SLC25A28: variants seen among roughly 807,000 people sequenced by gnomAD.
SLC25A28 encodes mitoferrin-2.
SLC25A28 carries 10 observed loss-of-function variants against 31.9 expected under a neutral mutation model. That is an observed-to-expected ratio of 0.31 (90% CI 0.19 to 0.53). The LOEUF is 0.53. SLC25A28 is among the 20% of genes least tolerant of loss of function. The pLI is 0.95. For synonymous variants in SLC25A28, 208 were observed against 203.6 expected, an observed-to-expected ratio of 1.02 and a Z score of -0.19; for missense variants, 256 against 490.3, an observed-to-expected ratio of 0.52 and a Z score of 4.51.
At chr10:99,655,150 G>A in the SLC25A28 span, among the ~76,000 whole-genome samples, 1 of 152,106 alleles carries the variant, frequency 6.6e-6, no homozygotes, top group Non-Finnish European at 1.5e-5. Flanking sequence ...TAAAATGTTG[G>A]GATTAAAATG....
chr10:99,620,365 C>T lies in SLC25A28; in HGVS notation c.-30G>A. On this transcript the variant is annotated 5_prime_UTR_variant, in exon 1 of 4. Transcript: ENST00000370495. The stretch of plus-strand genomic sequence containing the variant: ...CCGGGCCAGCTGCGGCGCCCACCCC[C>T]GCCGCCGCTGCCACCACTGCCGCCG... The T allele has an allele frequency of 1.8e-6, 2 of 1,104,554 alleles. No individual in the cohort carries two copies. Among genetic ancestry groups the T allele is most frequent in the Non-Finnish European group, 2.2e-6 (2 of 907,186 alleles). 68.4% of individuals were successfully genotyped at this position (1,104,554 alleles called of 1,614,324 possible).
the SLC25A28 span, among the ~76,000 whole-genome samples, chr10:99,634,250 TCAAAAAATCA>T: frequency 6.6e-6 from 1 of 151,872 alleles, no homozygotes; most frequent in Non-Finnish European, 1.5e-5. Flanking sequence ...TTTTACACCC[TCAAAAAATCA>T]CACTAGCTCA....
At chr10:99,623,322 C>T (rs920655423), upstream of SLC25A28, among the ~76,000 whole-genome samples, 1 of 152,204 alleles carries the variant, frequency 6.6e-6, no homozygotes, top group Non-Finnish European at 1.5e-5. Context: ...TGATTTCTGA[C>T]TCAGCGTGTC....
At chr10:99,658,338 C>G in the SLC25A28 span, among the ~76,000 whole-genome samples, 1 of 152,110 alleles carries the variant, frequency 6.6e-6, no homozygotes, top group Non-Finnish European at 1.5e-5. Context: ...CCCATTCATT[C>G]ATTTGCTTAT....
chr10:99,614,640 T>G (rs536404276), intron 1 of SLC25A28, among the ~76,000 whole-genome samples: 2 of 152,288 alleles, frequency 1.3e-5, no homozygotes, highest in South Asian at 4.1e-4. Context: ...ACATAATCCT[T>G]GGAATCTCTC....
chr10:99,657,730 G>A, the SLC25A28 span, among the ~76,000 whole-genome samples: 1,350 of 151,190 alleles, frequency 8.9e-3, 18 homozygotes, highest in Middle Eastern at 0.041. Flanking sequence ...GTTTTTTGCC[G>A]CCTCCTTTCT....
chr10:99,657,174 A>G, the SLC25A28 span, among the ~76,000 whole-genome samples: 4 of 152,218 alleles, frequency 2.6e-5, no homozygotes, highest in African/African-American at 7.2e-5. Flanking sequence ...ATTAAGTACT[A>G]TTTTAAAAAT....
At chr10:99,631,891 A>AT in the SLC25A28 span, among the ~76,000 whole-genome samples, 772 of 122,280 alleles carry the variant, frequency 6.3e-3, 33 homozygotes, top group African/African-American at 0.012. Context: ...TTTTTTTTTT[A>AT]TTTTTTTTTT....
chr10:99,657,502 GA>G, the SLC25A28 span, among the ~76,000 whole-genome samples: 4 of 150,064 alleles, frequency 2.7e-5, no homozygotes, highest in Non-Finnish European at 3.0e-5. Context: ...GAGGGACAGA[GA>G]AAAAAAAACT....
the SLC25A28 span, among the ~76,000 whole-genome samples, chr10:99,630,057 T>C: frequency 6.6e-6 from 1 of 152,162 alleles, no homozygotes; most frequent in Admixed American, 6.6e-5. Flanking sequence ...AGCAGTTTCT[T>C]CCACTTCTTT....
the SLC25A28 span, among the ~76,000 whole-genome samples, chr10:99,655,575 G>C: frequency 6.6e-6 from 1 of 152,200 alleles, no homozygotes; most frequent in East Asian, 1.9e-4. Context: ...ATTATGAAAA[G>C]TTTTCATTGA....
At chr10:99,650,717 C>T in the SLC25A28 span, among the ~76,000 whole-genome samples, 2 of 152,060 alleles carry the variant, frequency 1.3e-5, no homozygotes, top group Admixed American at 6.5e-5. Flanking sequence ...CCCTGATCCT[C>T]CTTGGCTGGG....
At chr10:99,648,948 T>A in the SLC25A28 span, among the ~76,000 whole-genome samples, 1 of 152,162 alleles carries the variant, frequency 6.6e-6, no homozygotes, top group Non-Finnish European at 1.5e-5. Context: ...ATGCCTTTTA[T>A]TTTTTTCTCT....
the SLC25A28 span, among the ~76,000 whole-genome samples, chr10:99,640,570 CT>C: frequency 7.2e-3 from 1,092 of 152,042 alleles, 15 homozygotes; most frequent in African/African-American, 0.023. Context: ...CAGATTTCTT[CT>C]TTTTTTTATT....
chr10:99,648,473 A>G, the SLC25A28 span, among the ~76,000 whole-genome samples: 1 of 151,324 alleles, frequency 6.6e-6, no homozygotes, highest in Non-Finnish European at 1.5e-5. Flanking sequence ...GGATTTTTTT[A>G]TAATTCTGGG....
chr10:99,656,725 G>C, the SLC25A28 span, among the ~76,000 whole-genome samples: 1 of 152,208 alleles, frequency 6.6e-6, no homozygotes, highest in East Asian at 1.9e-4. Context: ...AGCACATCTG[G>C]AGAAAAATTG....
the SLC25A28 span, among the ~76,000 whole-genome samples, chr10:99,627,056 C>T: frequency 6.6e-6 from 1 of 152,118 alleles, no homozygotes; most frequent in Non-Finnish European, 1.5e-5. Flanking sequence ...GCCTGGCCAA[C>T]ATAGTGAAAC....
At chr10:99,617,828 T>C in intron 1 of SLC25A28, 1 of 974,324 alleles carries the variant, frequency 1.0e-6, no homozygotes, top group Non-Finnish European at 1.2e-6. Context: ...GACTAATTTT[T>C]AAAAAACAAA....
At chr10:99,615,341 A>G in intron 1 of SLC25A28, 2 of 924,552 alleles carry the variant, frequency 2.2e-6, no homozygotes, top group South Asian at 5.2e-5. Context: ...GGGCAACAAG[A>G]GCAAAACTCC....
Sources: gnomAD v4.1 joint callset for allele counts (sites outside exome capture counted in the v4.1 genomes callset) on GRCh38, gnomAD v4.1.1 for gene constraint, MANE v1.5 for transcripts, NCBI Gene and HGNC (gene_info 2026-07-23, HGNC 2026-07-21) for gene names.